SLC14A2: variants seen among roughly 807,000 people sequenced by gnomAD.
The protein encoded by SLC14A2 is solute carrier family 14 member 2.
Under a neutral mutation model 104.6 loss-of-function variants are expected in SLC14A2, and 91 were observed. That is an observed-to-expected ratio of 0.87 (90% CI 0.73 to 1.04). The LOEUF is 1.04. SLC14A2 is among the 50% of genes least tolerant of loss of function. SLC14A2 has a pLI of 0.00. For missense variants in SLC14A2, 1,189 were observed against 1,156.0 expected (o/e 1.03, Z -0.41); for synonymous variants, 476 against 466.4 (o/e 1.02, Z -0.27).
intron 1 of SLC14A2, among the ~76,000 whole-genome samples, chr18:45,289,627 A>G (rs190947781): frequency 6.6e-6 from 1 of 152,284 alleles, no homozygotes; most frequent in African/African-American, 2.4e-5. Flanking sequence ...ATATGTCCCC[A>G]AATGAAAAAC....
chr18:45,547,200 A>T (rs753015085), intron 2 of SLC14A2, among the ~76,000 whole-genome samples: 1 of 152,090 alleles, frequency 6.6e-6, no homozygotes, highest in Non-Finnish European at 1.5e-5. Flanking sequence ...AAAAAGAAAA[A>T]CTTTTATTGA....
intron 2 of SLC14A2, among the ~76,000 whole-genome samples, chr18:45,508,460 C>T (rs578068025): frequency 2.3e-4 from 35 of 152,304 alleles, no homozygotes; most frequent in Admixed American, 1.2e-3. Context: ...TCTTGTCTAC[C>T]GCCATGTGAC....
intron 1 of SLC14A2, among the ~76,000 whole-genome samples, chr18:45,313,722 T>C (rs1369131215): frequency 6.6e-6 from 1 of 152,226 alleles, no homozygotes; most frequent in African/African-American, 2.4e-5. Context: ...CTTAGAACAG[T>C]GCCTGGCATA....
chr18:45,372,316 C>CAATAATAATAATAATAATAAT (rs59063935), intron 1 of SLC14A2, among the ~76,000 whole-genome samples: 1 of 148,478 alleles, frequency 6.7e-6, no homozygotes, highest in African/African-American at 2.5e-5. Flanking sequence ...GTCTCAAAAA[C>CAATAATAATAATAATAATAAT]AATAATAATA....
At chr18:45,639,070 A>G (rs947427513) in intron 6 of SLC14A2, among the ~76,000 whole-genome samples, 2 of 152,228 alleles carry the variant, frequency 1.3e-5, no homozygotes, top group Non-Finnish European at 2.9e-5. Flanking sequence ...GCTTCAGGCC[A>G]TTCTCCAGAT....
At chr18:45,542,036 T>TTTTTTTTTTTG in intron 2 of SLC14A2, among the ~76,000 whole-genome samples, 2 of 30,488 alleles carry the variant, frequency 6.6e-5, no homozygotes, top group Admixed American at 4.4e-4. Context: ...AGAGAGAGGG[T>TTTTTTTTTTTG]TTTTTTTTTT....
intron 10 of SLC14A2, among the ~76,000 whole-genome samples, chr18:45,654,144 G>GGC (rs150572810): frequency 6.6e-5 from 10 of 151,308 alleles, no homozygotes; most frequent in South Asian, 2.1e-4. Context: ...TGCTGGGGGG[G>GGC]ACGTGGGTGA....
chr18:45,235,949 GTGTATATA>G (rs1394566774), intron 1 of SLC14A2, among the ~76,000 whole-genome samples: 124 of 98,902 alleles, frequency 1.3e-3, no homozygotes, highest in African/African-American at 5.1e-3. Context: ...ACATATATGT[GTGTATATA>G]TGTATATATA....
At chr18:45,451,985 A>G (rs1249265667) in intron 1 of SLC14A2, among the ~76,000 whole-genome samples, 3 of 152,182 alleles carry the variant, frequency 2.0e-5, no homozygotes, top group Admixed American at 2.0e-4. Context: ...TGAGATGACA[A>G]AAAGCTCAGT....
intron 1 of SLC14A2, among the ~76,000 whole-genome samples, chr18:45,393,354 T>A (rs2144421709): frequency 6.6e-6 from 1 of 152,258 alleles, no homozygotes; most frequent in Admixed American, 6.5e-5. Flanking sequence ...CATGCCTGAA[T>A]TTTTGCCAGT....
intron 1 of SLC14A2, among the ~76,000 whole-genome samples, chr18:45,316,789 A>G (rs2085133769): frequency 6.6e-6 from 1 of 152,166 alleles, no homozygotes; most frequent in South Asian, 2.1e-4. Context: ...TCCAGCTCCC[A>G]AACCTTTTCC....
Position 45,258,522 on chromosome 18 carries a change from G to GT in SLC14A2, c.-125+45332dup, listed in dbSNP as rs1294909951. On this transcript the variant is annotated intron_variant, in intron 1 of 20. Coordinates refer to the SLC14A2 transcript ENST00000586448. Reference sequence around the variant, plus strand: ...TCTGCTTTCTTAGGGTTCCAGCTGTGTAAGTCTGGATAAGCTAGGTACTTT... The same window carrying GT: ...TCTGCTTTCTTAGGGTTCCAGCTGTGTTAAGTCTGGATAAGCTAGGTACTTT... 9.1e-5 allele frequency among the ~76,000 whole-genome samples: 13 copies of GT among 143,266 alleles called. 4 individuals are homozygous for GT. Among genetic ancestry groups the GT allele is most frequent in the African/African-American group, 3.6e-4 (13 of 36,524 alleles). 94.0% of individuals were successfully genotyped at this position (143,266 alleles called of 152,430 possible).
At chr18:45,194,709 G>C in the SLC14A2 span, among the ~76,000 whole-genome samples, 14 of 145,324 alleles carry the variant, frequency 9.6e-5, no homozygotes, top group Non-Finnish European at 1.5e-5. Context: ...GCAGTGGTGC[G>C]ATCTCGGCTC....
intron 1 of SLC14A2, among the ~76,000 whole-genome samples, chr18:45,214,329 A>G (rs1254978091): frequency 6.6e-6 from 1 of 152,160 alleles, no homozygotes; most frequent in Non-Finnish European, 1.5e-5. Flanking sequence ...GGGGCAAGTG[A>G]CGTGCATTCT....
chr18:45,201,320 T>A, the SLC14A2 span, among the ~76,000 whole-genome samples: 1 of 152,180 alleles, frequency 6.6e-6, no homozygotes, highest in African/African-American at 2.4e-5. Context: ...TTATGTTCTA[T>A]CTTCTTGAGG....
At chr18:45,607,165 A>G (rs7227483) in intron 2 of SLC14A2, among the ~76,000 whole-genome samples, 106,165 of 152,038 alleles carry the variant, frequency 0.7, 37,398 homozygotes, top group East Asian at 0.85. Flanking sequence ...GTATGTCCCC[A>G]AGGGGTAGCC....
chr18:45,268,791 C>T (rs1307688190), intron 1 of SLC14A2, among the ~76,000 whole-genome samples: 3 of 152,042 alleles, frequency 2.0e-5, no homozygotes, highest in Admixed American at 6.6e-5. Flanking sequence ...CCTTATATGA[C>T]AGATAAGGCT....
At chr18:45,202,263 C>T in the SLC14A2 span, among the ~76,000 whole-genome samples, 1 of 152,086 alleles carries the variant, frequency 6.6e-6, no homozygotes, top group African/African-American at 2.4e-5. Flanking sequence ...GCATGCTGAG[C>T]CTTTGGAAAA....
chr18:45,234,581 T>G (rs1299978808), intron 1 of SLC14A2, among the ~76,000 whole-genome samples: 1 of 152,226 alleles, frequency 6.6e-6, no homozygotes, highest in African/African-American at 2.4e-5. Flanking sequence ...TGGAGACGCA[T>G]AGACTAGGTG....
Sources: gnomAD v4.1 joint callset for allele counts (sites outside exome capture counted in the v4.1 genomes callset) on GRCh38, gnomAD v4.1.1 for gene constraint, MANE v1.5 for transcripts, NCBI Gene and HGNC (gene_info 2026-07-23, HGNC 2026-07-21) for gene names.